Variants in PCSK5 observed in about 807,000 individuals in gnomAD.
PCSK5 encodes proprotein convertase subtilisin/kexin type 5.
In PCSK5, 129 loss-of-function variants were observed where a neutral mutation model predicts 233.2. The ratio of observed to expected loss-of-function variants is 0.55; its 90% confidence interval spans 0.48 to 0.64. The LOEUF is 0.64. Ranked by LOEUF, PCSK5 falls within the 30% of genes least tolerant of loss-of-function variation. The pLI is 0.00. For missense variants in PCSK5, 2,076 were observed against 2,430.1 expected (o/e 0.85, Z 3.06); for synonymous variants, 825 against 879.2 (o/e 0.94, Z 1.09).
chr9:76,070,305 A>C (rs1830440988), intron 6 of PCSK5, among the ~76,000 whole-genome samples: 1 of 152,146 alleles, frequency 6.6e-6, no homozygotes, highest in African/African-American at 2.4e-5. Context: ...CGTCCCCAAA[A>C]TTTTTAATGG....
chr9:76,287,860 G>A lies in PCSK5; in HGVS notation c.3143-4373G>A, dbSNP rs763794700. 1.9e-5 allele frequency: 4 copies of A among 211,148 alleles called. No individual in the cohort carries two copies. In the South Asian group the frequency reaches 3.5e-4, roughly 19 times the overall value. The allele number at this position is 211,148 out of a possible 1,614,324, so 13.1% of individuals were successfully genotyped here. On this transcript the variant is annotated intron_variant, in intron 24 of 37. Coordinates refer to ENST00000674117, the MANE Select transcript of PCSK5 (RefSeq NM_001372043.1). ...TCTGACAGACATACTTCAGGCTTCT[G>A]CAGGTTCGACATACTTTATTTTTCT...
chr9:75,994,668 C>T (rs1428143568), intron 3 of PCSK5, among the ~76,000 whole-genome samples: 1 of 151,924 alleles, frequency 6.6e-6, no homozygotes, highest in African/African-American at 2.4e-5. Context: ...GCGATCCACC[C>T]GCCTCGGCCT....
chr9:76,133,594 T>C (rs931615657), intron 9 of PCSK5, among the ~76,000 whole-genome samples: 2 of 152,084 alleles, frequency 1.3e-5, no homozygotes, highest in Non-Finnish European at 2.9e-5. Context: ...AAAATTGGGA[T>C]GCTGTTTCGT....
Position 76,018,884 on chromosome 9 carries a change from T to C in PCSK5, c.412-4854T>C, listed in dbSNP as rs146102422. 5.0e-4 allele frequency among the ~76,000 whole-genome samples: 76 copies of C among 152,356 alleles called. No homozygotes were observed. In the East Asian group the frequency reaches 0.013, roughly 27 times the overall value. ...ATTTCTGTTATTTGAGTTTCTTTAC[T>C]GGAACCTTTCTCCAACATCCGCGCC... On this transcript the variant is annotated intron_variant, in intron 3 of 37. Transcript: ENST00000674117.
At chr9:76,271,587 G>C (rs1223800149) in intron 24 of PCSK5, among the ~76,000 whole-genome samples, 1 of 152,068 alleles carries the variant, frequency 6.6e-6, no homozygotes, top group African/African-American at 2.4e-5. Context: ...TGTAATCTCA[G>C]CACTTTGGAA....
At chr9:76,076,234 G>A (rs1240037255) in intron 7 of PCSK5, among the ~76,000 whole-genome samples, 1 of 152,178 alleles carries the variant, frequency 6.6e-6, no homozygotes, top group Non-Finnish European at 1.5e-5. Flanking sequence ...GGGCAAGGTG[G>A]AACAGGAAGA....
chr9:76,239,030 A>G lies in PCSK5; in HGVS notation c.2938A>G (p.Thr980Ala). 6.2e-7 allele frequency: 1 copy of G among 1,612,044 alleles called. No homozygotes were observed. The highest frequency in any genetic ancestry group is 8.5e-7 in the Non-Finnish European group (1 of 1,179,592). The change falls in exon 23 of 38, where the codon ACT becomes GCT. Residue 980 changes from threonine (T) to alanine (A), a missense_variant. Physicochemically the swap from Thr to Ala is moderately conservative, Grantham distance 58. Transcript: ENST00000674117. ...GDSCPEGHYA[T>A]EGNTCLPCPD... ...TAGCTGCCCAGAGGGCCACTATGCCACTGAGGGGAACACCTGCCTGCCCTG... is the reference window on the plus strand; with the variant it reads ...TAGCTGCCCAGAGGGCCACTATGCCGCTGAGGGGAACACCTGCCTGCCCTG...
intron 2 of PCSK5, among the ~76,000 whole-genome samples, chr9:75,938,125 G>A (rs1824142041): frequency 6.6e-6 from 1 of 152,162 alleles, no homozygotes; most frequent in Non-Finnish European, 1.5e-5. Flanking sequence ...CTGGGTTTCT[G>A]CCTATGCTGG....
chr9:76,142,004 G>A (rs952920070), intron 10 of PCSK5, among the ~76,000 whole-genome samples: 1 of 151,998 alleles, frequency 6.6e-6, no homozygotes, highest in Non-Finnish European at 1.5e-5. Context: ...GGAGAAAGAG[G>A]AGCAGGAAAA....
intron 20 of PCSK5, among the ~76,000 whole-genome samples, chr9:76,190,720 A>G (rs1267256063): frequency 6.6e-6 from 1 of 152,212 alleles, no homozygotes; most frequent in African/African-American, 2.4e-5. Context: ...TTCATCTTAC[A>G]GAAGGGAAAA....
rs1483413870 is a variant in PCSK5 at position 76,358,621 on chromosome 9, T to G, written c.5363T>G (p.Val1788Gly). The G allele has an allele frequency of 6.2e-7, 1 of 1,612,716 alleles. No individual in the cohort carries two copies. Among genetic ancestry groups the G allele is most frequent in the South Asian group, 1.1e-5 (1 of 91,070 alleles). The change falls in exon 38 of 38, where the codon GTG becomes GGG. Residue 1788 changes from valine (V) to glycine (G), a missense_variant. By Grantham distance (109) the Val-to-Gly change is moderately radical. Around this residue, in one of 6 missense-constraint regions of PCSK5, gnomAD observed 1,510 missense variants for 1,538.1 expected, o/e 0.98. Transcript: ENST00000674117. The part of the protein sequence containing the change: ...MMLVLLLGAA[V>G]VVWKKSRGRV... ...CTGGTGCTTCTGCTCGGGGCAGCTGTGGTAGTGTGGAAGAAATCTCGTGGC... is the reference window on the plus strand; with the variant it reads ...CTGGTGCTTCTGCTCGGGGCAGCTGGGGTAGTGTGGAAGAAATCTCGTGGC...
At chr9:76,270,359 C>T (rs1437787821) in intron 24 of PCSK5, among the ~76,000 whole-genome samples, 1 of 152,124 alleles carries the variant, frequency 6.6e-6, no homozygotes, top group African/African-American at 2.4e-5. Flanking sequence ...GTTGTGTTTG[C>T]TGAAACCTTC....
At chr9:75,908,921 A>ATCTATCTC (rs1554704500) in intron 1 of PCSK5, among the ~76,000 whole-genome samples, 18 of 113,464 alleles carry the variant, frequency 1.6e-4, no homozygotes, top group African/African-American at 4.1e-4. Context: ...CTATCTATCT[A>ATCTATCTC]TCTCTCTATC....
chr9:76,184,063 T>C (rs1356137606), intron 16 of PCSK5, among the ~76,000 whole-genome samples: 6 of 152,212 alleles, frequency 3.9e-5, no homozygotes, highest in Admixed American at 3.3e-4. Flanking sequence ...TTCTCCAGAA[T>C]AGAGATATTA....
intron 3 of PCSK5, among the ~76,000 whole-genome samples, chr9:76,019,017 T>C (rs1228034825): frequency 1.3e-5 from 2 of 152,218 alleles, no homozygotes; most frequent in Non-Finnish European, 2.9e-5. Flanking sequence ...TATGCTGTGG[T>C]GTCAGACTGC....
chr9:75,989,352 G>T (rs1409737149), intron 3 of PCSK5, among the ~76,000 whole-genome samples: 1 of 152,162 alleles, frequency 6.6e-6, no homozygotes, highest in African/African-American at 2.4e-5. Context: ...AAATTAGCTG[G>T]ACGAGGTGGC....
intron 1 of PCSK5, among the ~76,000 whole-genome samples, chr9:75,929,919 G>A (rs1187390541): frequency 1.3e-5 from 2 of 149,854 alleles, no homozygotes; most frequent in East Asian, 4.0e-4. Flanking sequence ...CTGGAGTACA[G>A]TGGCACGATC....
At chr9:76,284,283 A>C (rs188214025) in intron 24 of PCSK5, among the ~76,000 whole-genome samples, 248 of 152,144 alleles carry the variant, frequency 1.6e-3, no homozygotes, top group African/African-American at 5.4e-3. Flanking sequence ...CATAATCCCC[A>C]CATGTCAAGG....
chr9:76,212,444 G>A (rs116390197), intron 20 of PCSK5, among the ~76,000 whole-genome samples: 1,823 of 152,296 alleles, frequency 0.012, 46 homozygotes, highest in African/African-American at 0.041. Flanking sequence ...CCAGCATTGA[G>A]CAGGCTGAAA....
Sources: gnomAD v4.1 joint callset for allele counts (sites outside exome capture counted in the v4.1 genomes callset) on GRCh38, gnomAD v4.1.1 for gene constraint, gnomAD v4.1.1 regional missense constraint, MANE v1.5 for transcripts, NCBI Gene and HGNC (gene_info 2026-07-23, HGNC 2026-07-21) for gene names.